The following ARHGAP44 variants were observed in gnomAD, a reference collection of about 807,000 sequenced individuals.
ARHGAP44 encodes the protein Rho GTPase activating protein 44.
Under a neutral mutation model 106.8 loss-of-function variants are expected in ARHGAP44, and 43 were observed. The observed-to-expected ratio is 0.40, with a 90% CI of 0.32 to 0.52. The LOEUF (loss-of-function observed/expected upper bound fraction) is 0.52. Among genes scored for constraint, ARHGAP44 ranks in the 20% least tolerant of loss-of-function variants. The probability of loss-of-function intolerance (pLI) is 0.48; values close to 1 mark genes in which losing one functional copy is unlikely to be tolerated. For missense variants in ARHGAP44, 866 were observed against 1,050.5 expected (o/e 0.82, Z 2.43); for synonymous variants, 439 against 410.3 (o/e 1.07, Z -0.85).
intron 7 of ARHGAP44, among the ~76,000 whole-genome samples, chr17:12,931,356 G>A (rs1319799840): frequency 6.6e-6 from 1 of 152,102 alleles, no homozygotes; most frequent in Non-Finnish European, 1.5e-5. Flanking sequence ...ACAGGTGTGT[G>A]CTACCACGCC....
At chr17:12,901,277 G>A (rs7210411) in intron 3 of ARHGAP44, among the ~76,000 whole-genome samples, 21,983 of 152,062 alleles carry the variant, frequency 0.14, 2,455 homozygotes, top group East Asian at 0.34. Flanking sequence ...AGACTGTAGC[G>A]AATGGGGAAG....
At chr17:12,793,279 C>T (rs953239232) in intron 1 of ARHGAP44, among the ~76,000 whole-genome samples, 1 of 152,204 alleles carries the variant, frequency 6.6e-6, no homozygotes, top group African/African-American at 2.4e-5. Context: ...TATCTCTGGG[C>T]AAATGTTATG....
In ARHGAP44 at chr17:12,841,639, C is replaced by CAAAAAAAA. The variant is rs1331198278; in HGVS notation, c.53+51751_53+51752insAAAAAAAA. Among the ~76,000 whole-genome samples the CAAAAAAAA allele has an allele frequency of 8.5e-4, 117 of 137,452 alleles. 3 individuals carry two copies. Among genetic ancestry groups the CAAAAAAAA allele is most frequent in the African/African-American group, 3.1e-3 (105 of 33,986 alleles). The allele number at this position is 137,452 out of a possible 152,430, so 90.2% of individuals were successfully genotyped here. On this transcript the variant is annotated intron_variant, in intron 1 of 20. Transcript: ENST00000379672. ...ACACACACACACACACACACACACA[C>CAAAAAAAA]AAACAAACAAACAAAAACCACACAA...
chr17:12,952,430 G>A (rs971387341), intron 12 of ARHGAP44, 71 bp from the exon 13 acceptor site: 44 of 1,195,210 alleles, frequency 3.7e-5, no homozygotes, highest in Non-Finnish European at 5.2e-5. Flanking sequence ...TACAATGATT[G>A]GTTAATATGA....
At chr17:12,929,910 G>A (rs1468687817) in intron 7 of ARHGAP44, among the ~76,000 whole-genome samples, 1 of 152,122 alleles carries the variant, frequency 6.6e-6, no homozygotes, top group Non-Finnish European at 1.5e-5. Flanking sequence ...TTGTCCATAG[G>A]CTTTTTCTCT....
intron 1 of ARHGAP44, among the ~76,000 whole-genome samples, chr17:12,810,726 G>T (rs75225186): frequency 6.6e-6 from 1 of 152,118 alleles, no homozygotes; most frequent in Non-Finnish European, 1.5e-5. Context: ...GGAATCCCCT[G>T]CTCTCCACCC....
intron 10 of ARHGAP44, among the ~76,000 whole-genome samples, chr17:12,947,266 G>T (rs541838345): frequency 6.6e-6 from 1 of 152,312 alleles, no homozygotes; most frequent in South Asian, 2.1e-4. Flanking sequence ...CAAATCCGAT[G>T]ACTTACTGCC....
At chr17:12,828,923 T>G (rs796565117) in intron 1 of ARHGAP44, among the ~76,000 whole-genome samples, 15 of 151,484 alleles carry the variant, frequency 9.9e-5, no homozygotes, top group African/African-American at 3.7e-4. Context: ...TTACAGGGAT[T>G]ACAGGCATGA....
At chr17:12,804,011 T>A (rs1302279285) in intron 1 of ARHGAP44, among the ~76,000 whole-genome samples, 3 of 152,228 alleles carry the variant, frequency 2.0e-5, no homozygotes, top group Admixed American at 6.5e-5. Flanking sequence ...GGAACTTTTA[T>A]TCCAGGATGA....
chr17:12,838,180 G>A (rs534231641), intron 1 of ARHGAP44, among the ~76,000 whole-genome samples: 5 of 152,098 alleles, frequency 3.3e-5, no homozygotes, highest in Admixed American at 6.5e-5. Flanking sequence ...CACTATCCTT[G>A]TCACTAAAAA....
intron 3 of ARHGAP44, among the ~76,000 whole-genome samples, chr17:12,906,017 G>A (rs1158674587): frequency 1.3e-5 from 2 of 152,100 alleles, no homozygotes; most frequent in African/African-American, 4.8e-5. Context: ...AGGATGTTTA[G>A]CAACATCCCT....
In ARHGAP44 at chr17:12,843,093, A is replaced by ACTGCTCGC. The variant is rs1358491835; in HGVS notation, c.54-51847_54-51846insCTGCTCGC. On this transcript the variant is annotated intron_variant, in intron 1 of 20. Transcript: ENST00000379672. ...CATTGTCAGCAACGGCCTATGGTGG[A>ACTGCTCGC]AGCCTTGTGTAAATAAATGCTGTGC... Among the ~76,000 whole-genome samples the ACTGCTCGC allele has an allele frequency of 1.8e-3, 274 of 152,298 alleles. 5 individuals are homozygous for ACTGCTCGC. The highest frequency in any genetic ancestry group is 3.5e-3 in the East Asian group (18 of 5,178).
chr17:12,949,392 T>A lies in ARHGAP44; in HGVS notation c.973+141T>A. On this transcript the variant is annotated intron_variant, in intron 11 of 20. Coordinates refer to ENST00000379672, the MANE Select transcript of ARHGAP44 (RefSeq NM_014859.6). The surrounding 1 kb of genome is among the most constrained non-coding windows in gnomAD (Gnocchi z 4.1). ...AGATGTGTCCACTCAGTGCCCAGTT[T>A]CAGGGCTGGGTGCTCTGGCCCCTTG... The A allele has an allele frequency of 1.0e-6, 1 of 968,774 alleles. No individual in the cohort carries two copies. The highest frequency in any genetic ancestry group is 1.5e-6 in the Non-Finnish European group (1 of 654,762). The allele number at this position is 968,774 out of a possible 1,614,324, so 60.0% of individuals were successfully genotyped here. A position where few individuals can be genotyped will look rare whatever the true frequency, so the allele number is the denominator to read the frequency against.
chr17:12,823,161 T>C (rs553560329), intron 1 of ARHGAP44, among the ~76,000 whole-genome samples: 16 of 152,290 alleles, frequency 1.1e-4, no homozygotes, highest in African/African-American at 3.1e-4. Context: ...TTTCCCTTAA[T>C]ACTTCTAATC....
At chr17:12,874,595 G>T (rs767323454) in intron 1 of ARHGAP44, among the ~76,000 whole-genome samples, 45 of 152,090 alleles carry the variant, frequency 3.0e-4, no homozygotes, top group Non-Finnish European at 5.7e-4. Context: ...GCAGGGTGTG[G>T]TGGTGGGCAC....
chr17:12,867,035 A>G (rs1272707367), intron 1 of ARHGAP44, among the ~76,000 whole-genome samples: 1 of 151,926 alleles, frequency 6.6e-6, no homozygotes, highest in Admixed American at 6.6e-5. Context: ...AGGGTAGCAT[A>G]TTCTGATCTT....
At chr17:12,821,920 T>C (rs1300835168) in intron 1 of ARHGAP44, among the ~76,000 whole-genome samples, 1 of 152,226 alleles carries the variant, frequency 6.6e-6, no homozygotes, top group African/African-American at 2.4e-5. Flanking sequence ...ATTCTGACAC[T>C]ACCATTAGAA....
chr17:12,899,566 G>GT (rs1172667042), intron 3 of ARHGAP44, among the ~76,000 whole-genome samples: 6 of 145,178 alleles, frequency 4.1e-5, no homozygotes, highest in Admixed American at 2.0e-4. Context: ...GGAGCAATGG[G>GT]TGAAAAGGAA....
intron 13 of ARHGAP44, among the ~76,000 whole-genome samples, chr17:12,952,894 C>CTG (rs994968645): frequency 6.6e-6 from 1 of 151,904 alleles, no homozygotes; most frequent in African/African-American, 2.4e-5. Context: ...CGCGTGGTCT[C>CTG]TGTGTGTGGT....
Sources: gnomAD v4.1 joint callset for allele counts (sites outside exome capture counted in the v4.1 genomes callset) on GRCh38, gnomAD v4.1.1 for gene constraint, Gnocchi (gnomAD v3.1) non-coding constraint, MANE v1.5 for transcripts, NCBI Gene and HGNC (gene_info 2026-07-23, HGNC 2026-07-21) for gene names.